Variants in IFT88 observed in about 807,000 individuals in gnomAD.
The protein encoded by IFT88 is intraflagellar transport 88.
A neutral mutation model predicts 119.5 loss-of-function variants in IFT88; 74 were observed. The ratio of observed to expected loss-of-function variants is 0.62; its 90% CI spans 0.51 to 0.75. The LOEUF is 0.75. IFT88 is among the 30% of genes least tolerant of loss of function. IFT88 has a pLI of 0.00. For missense variants in IFT88, 961 were observed against 977.7 expected, an observed-to-expected ratio of 0.98 and a Z score of 0.23; for synonymous variants, 279 against 316.7, an observed-to-expected ratio of 0.88 and a Z score of 1.26.
At chr13:20,615,761 CTAAA>C (rs756124811) in intron 13 of IFT88, 28 bp from the exon 14 acceptor site, 1 of 1,322,670 alleles carries the variant, frequency 7.6e-7, no homozygotes, top group Non-Finnish European at 1.1e-6. Context: ...TACTGTATCT[CTAAA>C]TACAACTTTT....
chr13:20,592,180 T>C (rs1465303375), intron 6 of IFT88, among the ~76,000 whole-genome samples, 155 bp from the exon 7 acceptor site: 1 of 152,214 alleles, frequency 6.6e-6, no homozygotes, highest in African/African-American at 2.4e-5. Flanking sequence ...GAAATGTTTA[T>C]GTAGACACAA....
At chr13:20,569,002 G>T (rs1184225502) in intron 1 of IFT88, among the ~76,000 whole-genome samples, 1 of 152,034 alleles carries the variant, frequency 6.6e-6, no homozygotes, top group African/African-American at 2.4e-5. Context: ...TTACAAGCGT[G>T]AGCCACGACG....
chr13:20,597,473 C>G (rs55738439), intron 9 of IFT88, among the ~76,000 whole-genome samples: 35,670 of 151,836 alleles, frequency 0.23, 5,399 homozygotes, highest in East Asian at 0.61. Context: ...AGCCGGGTGC[C>G]GTGGCTCACG....
rs566263841 is a variant in IFT88, at chr13:20,607,620, G to A, written c.1112+2515G>A. ...GCTGCTCAACATCTTGGGCTGCCAC[G>A]CTGTTTTTTTATGATCCCCACCTGG... is the stretch of plus-strand genomic sequence containing the variant. On this transcript the variant is annotated intron_variant, in intron 13 of 25. Transcript: ENST00000351808. 191 of 802,288 alleles carry A rather than the reference G, an allele frequency of 2.4e-4. 2 individuals are homozygous for A. In the South Asian group the frequency reaches 2.5e-3, roughly 11 times the overall value. The allele number at this position is 802,288 out of a possible 1,614,324, so 49.7% of individuals were successfully genotyped here.
chr13:20,604,884 AGGT>A, intron 12 of IFT88, 148 bp from the exon 13 acceptor site: 1 of 392,500 alleles, frequency 2.5e-6, no homozygotes, highest in Middle Eastern at 4.9e-4. Flanking sequence ...GAGCCCAGGG[AGGT>A]GGAGGCTGCA....
intron 2 of IFT88, among the ~76,000 whole-genome samples, chr13:20,575,402 G>A (rs1386375920): frequency 6.6e-6 from 1 of 152,118 alleles, no homozygotes; most frequent in Non-Finnish European, 1.5e-5. Flanking sequence ...TGTGAATACT[G>A]CTGCAGCAAA....
chr13:20,601,328 T>C (rs2042561692), intron 11 of IFT88, among the ~76,000 whole-genome samples: 1 of 148,704 alleles, frequency 6.7e-6, no homozygotes, highest in Non-Finnish European at 1.5e-5. Context: ...ATCATGCCAC[T>C]GCATTCCAGC....
chr13:20,669,856 T>C (rs1037550633), intron 23 of IFT88, among the ~76,000 whole-genome samples: 10 of 152,252 alleles, frequency 6.6e-5, no homozygotes, highest in African/African-American at 2.4e-4. Flanking sequence ...TTTAAGATTT[T>C]CTTTCATCTA....
intron 22 of IFT88, among the ~76,000 whole-genome samples, chr13:20,661,834 G>T (rs1233196237): frequency 6.6e-6 from 1 of 152,150 alleles, no homozygotes; most frequent in Non-Finnish European, 1.5e-5. Context: ...GAGGTATGTA[G>T]GTAGTGGAGA....
At chr13:20,605,492 A>T (rs190497615) in intron 13 of IFT88, among the ~76,000 whole-genome samples, 3 of 152,324 alleles carry the variant, frequency 2.0e-5, no homozygotes, top group Admixed American at 1.3e-4. Flanking sequence ...ACAATTAAGG[A>T]TCAGCTCTCA....
At chr13:20,571,429 C>T (rs2137844196) in intron 1 of IFT88, among the ~76,000 whole-genome samples, 1 of 151,134 alleles carries the variant, frequency 6.6e-6, no homozygotes, top group South Asian at 2.1e-4. Flanking sequence ...AGCCTTCCTC[C>T]ACCTCCCACC....
At chr13:20,611,399 T>C (rs866491092) in intron 13 of IFT88, among the ~76,000 whole-genome samples, 3 of 150,040 alleles carry the variant, frequency 2.0e-5, no homozygotes, top group South Asian at 2.1e-4. Flanking sequence ...CATGGTGATA[T>C]GCACTGTAGT....
At chr13:20,657,013 C>T (rs1046587956) in intron 22 of IFT88, among the ~76,000 whole-genome samples, 3 of 152,110 alleles carry the variant, frequency 2.0e-5, no homozygotes, top group African/African-American at 4.8e-5. Context: ...CGCGCACCAC[C>T]GTGCCTGGCT....
intron 24 of IFT88, among the ~76,000 whole-genome samples, chr13:20,689,753 A>AT (rs2058302254): frequency 1.3e-5 from 2 of 152,194 alleles, no homozygotes; most frequent in African/African-American, 4.8e-5. Flanking sequence ...TACATTATTC[A>AT]GAAAAAAAAA....
rs1446969137 is a variant in IFT88, at chr13:20,597,754, A to AAAAAAT, written c.594+636_594+637insAAAATA. Reference sequence around the variant, plus strand: ...GAGCGAGACTCCGTCTCAAAAAAAAAATATATATATATATATTTTTTTTTT... The same window carrying AAAAAAT: ...GAGCGAGACTCCGTCTCAAAAAAAAAAAAAATATATATATATATATATTTTTTTTTT... On this transcript the variant is annotated intron_variant, in intron 9 of 25. Coordinates refer to ENST00000351808, the MANE Select transcript of IFT88 (RefSeq NM_006531.5). 4.2e-3 allele frequency among the ~76,000 whole-genome samples: 600 copies of AAAAAAT among 142,594 alleles called. 1 individual carries two copies. Among genetic ancestry groups the AAAAAAT allele is most frequent in the Middle Eastern group, 0.025 (7 of 282 alleles). 93.5% of individuals were successfully genotyped at this position (142,594 alleles called of 152,430 possible).
intron 24 of IFT88, among the ~76,000 whole-genome samples, chr13:20,677,619 G>C (rs565372835): frequency 1.2e-4 from 19 of 152,230 alleles, no homozygotes; most frequent in Middle Eastern, 3.4e-3. Flanking sequence ...GCCTCCTAAA[G>C]GTCCCAAAGT....
In IFT88 at chr13:20,644,870, G is replaced by A. The variant is rs1229961493; in HGVS notation, c.1861G>A (p.Glu621Lys). ...ATATAGGTATTTTCCTTGTAATATT[G>A]AAGTCATTGAGTGGCTTGGAGCCTA... ...ESYRYFPCNI[E>K]VIEWLGAYYI... Residue 621 changes from glutamate to lysine, a missense_variant, in exon 20 of 26, where the codon GAA becomes AAA. Glu to Lys is a moderately conservative substitution (Grantham distance 56). Coordinates refer to ENST00000351808, the MANE Select transcript of IFT88 (RefSeq NM_006531.5). 1 of 1,580,378 alleles carries A rather than the reference G, an allele frequency of 6.3e-7. No individual in the cohort carries two copies. The highest frequency in any genetic ancestry group is 1.3e-5 in the African/African-American group (1 of 74,092).
chr13:20,580,724 CTTT>C (rs1162699940), intron 2 of IFT88, among the ~76,000 whole-genome samples: 4 of 122,730 alleles, frequency 3.3e-5, no homozygotes, highest in African/African-American at 3.1e-5. Context: ...TTTCTTTTTT[CTTT>C]TTTTTTTTTT....
chr13:20,635,807 G>T (rs1012792434), intron 16 of IFT88, among the ~76,000 whole-genome samples: 1 of 151,948 alleles, frequency 6.6e-6, no homozygotes, highest in Non-Finnish European at 1.5e-5. Context: ...CAGGTTGATA[G>T]GTCCAGCAAA....
Sources: allele counts gnomAD v4.1 joint callset (sites outside exome capture counted in the v4.1 genomes callset), GRCh38; gene constraint gnomAD v4.1.1; transcripts MANE v1.5; gene names NCBI Gene and HGNC (gene_info 2026-07-23, HGNC 2026-07-21).